The following PCK2 variants were observed in gnomAD, a reference collection of about 807,000 sequenced individuals.
The protein encoded by PCK2 is phosphoenolpyruvate carboxykinase 2, mitochondrial, also known as phosphoenolpyruvate carboxykinase [GTP], mitochondrial.
PCK2 carries 56 observed loss-of-function variants against 65.9 expected under a neutral mutation model. The observed-to-expected ratio is 0.85, with a 90% CI of 0.69 to 1.06. PCK2 has a LOEUF of 1.06. Among genes scored for constraint, PCK2 ranks in the 50% least tolerant of loss-of-function variants. PCK2 has a pLI of 0.00. For missense variants in PCK2, 843 were observed against 863.1 expected (o/e 0.98, Z 0.29); for synonymous variants, 305 against 319.6 (o/e 0.95, Z 0.49).
chr14:24,102,763 G>C lies in PCK2; in HGVS notation c.1245G>C (p.Glu415Asp), dbSNP rs1183775471. The change falls in exon 8 of 10, where the codon GAG (glutamate) becomes GAC (aspartate). Residue 415 changes from glutamate (E) to aspartate (D), a missense_variant. By Grantham distance (45) the Glu-to-Asp change is conservative. Transcript: ENST00000216780. ...TATTTCCTCTGCCAGGTGACAAGGA[G>C]CCCTGTGCACATCCCAACTCTCGAT... ...LGKPWKPGDKEPCAHPNSRFC... is the reference protein window; with the variant it reads ...LGKPWKPGDKDPCAHPNSRFC... 6.2e-7 allele frequency: 1 copy of C among 1,613,754 alleles called. No individual in the cohort carries two copies. Among genetic ancestry groups the C allele is most frequent in the Non-Finnish European group, 8.5e-7 (1 of 1,179,796 alleles).
In PCK2 at chr14:24,102,890, G is replaced by A. The variant is rs1435052244; in HGVS notation, c.1372G>A (p.Gly458Arg). 2 of 1,612,958 alleles carry A rather than the reference G, an allele frequency of 1.2e-6. No homozygotes were observed. Among genetic ancestry groups the A allele is most frequent in the Non-Finnish European group, 1.7e-6 (2 of 1,179,678 alleles). The stretch of plus-strand genomic sequence containing the variant: ...CATCTTTGGTGGCCGCAGACCCAAA[G>A]GTAAACAACATATGAGCTCCATGTT... ...AIIFGGRRPK[G>R]VPLVYEAFNW... is the part of the protein sequence containing the mutation. Residue 458 changes from glycine (G) to arginine (R), a missense_variant and splice_region_variant, in exon 8 of 10, where the codon GGG becomes AGG. By Grantham distance (125) the Gly-to-Arg change is moderately radical. Transcript: ENST00000216780.
Position 24,094,761 on chromosome 14 carries a change from C to A in PCK2, c.29+327C>A, listed in dbSNP as rs1594280151. 5.6e-6 allele frequency: 8 copies of A among 1,439,378 alleles called. No homozygotes were observed. The highest frequency in any genetic ancestry group is 3.1e-5 in the East Asian group (1 of 31,786). 89.2% of individuals were successfully genotyped at this position (1,439,378 alleles called of 1,614,324 possible). ...GGTCTCCGCATATCCTCCTTTCCTT[C>A]CCAGATACCTCCCTCGGACCTCTAA... is the stretch of plus-strand genomic sequence containing the variant. On this transcript the variant is annotated intron_variant, in intron 1 of 9. Transcript: ENST00000216780. The surrounding 1 kb of genome is among the most constrained non-coding windows in gnomAD (Gnocchi z 4.1).
rs995445700 is a variant in PCK2 at position 24,099,107 on chromosome 14, C to T, written c.723C>T (p.Pro241=). Residue 241 remains proline (P), a synonymous_variant, in exon 5 of 10, where the codon CCC becomes CCT. Transcript: ENST00000216780. ...NPEKTLIGHV[P]DQREIISFGS... ...AGAAAACCCTGATTGGCCACGTGCC[C>T]GACCAGCGGGAGATCATCTCCTTCG... 28 of 1,611,890 alleles carry T rather than the reference C, an allele frequency of 1.7e-5. No individual in the cohort carries two copies. Among genetic ancestry groups the T allele is most frequent in the African/African-American group, 4.0e-5 (3 of 74,902 alleles).
chr14:24,099,025 GC>G, intron 4 of PCK2, 23 bp from the exon 5 acceptor site: 1 of 1,575,568 alleles, frequency 6.3e-7, no homozygotes, highest in Non-Finnish European at 8.7e-7. Context: ...GCTGCCAGCA[GC>G]CCCATGACCC....
In PCK2 at chr14:24,094,710, T is replaced by C. The variant is rs1566571020; in HGVS notation, c.29+276T>C. ...TCTGCCACTCTCAGAACTTCCTCTC[T>C]CTCCTCGCTCCTCTCTGCTGAGCCA... On this transcript the variant is annotated intron_variant, in intron 1 of 9. Coordinates refer to ENST00000216780, the MANE Select transcript of PCK2 (RefSeq NM_004563.4). This position sits in a 1 kb window ranked among gnomAD's most constrained non-coding sequence, Gnocchi z 4.1. 6.6e-7 allele frequency: 1 copy of C among 1,508,654 alleles called. No homozygotes were observed. The highest frequency in any genetic ancestry group is 1.4e-5 in the African/African-American group (1 of 72,310). 93.5% of individuals were successfully genotyped at this position (1,508,654 alleles called of 1,614,324 possible).
In PCK2 at chr14:24,098,993, C is replaced by T. The variant is rs563053681; in HGVS notation, c.665-56C>T. ...TGCCAATCCCTGATCCCTCTGGCCC[C>T]GACACCCCAGTTCCTGATGCTGCTG... On this transcript the variant is annotated intron_variant, in intron 4 of 9. Coordinates refer to ENST00000216780, the MANE Select transcript of PCK2 (RefSeq NM_004563.4). 38 of 1,400,706 alleles carry T rather than the reference C, an allele frequency of 2.7e-5. No homozygotes were observed. In the East Asian group the frequency reaches 2.8e-4, roughly 10 times the overall value. The allele number at this position is 1,400,706 out of a possible 1,614,324, so 86.8% of individuals were successfully genotyped here. A position where few individuals can be genotyped will look rare whatever the true frequency, so the allele number is the denominator to read the frequency against.
intron 9 of PCK2, 94 bp from the exon 10 acceptor site, chr14:24,103,416 T>G (rs758340599): frequency 3.2e-6 from 4 of 1,254,216 alleles, no homozygotes; most frequent in Non-Finnish European, 4.5e-6. Flanking sequence ...TTCAGAACCA[T>G]AAGCCTTTCA....
At position 24,102,878 on chromosome 14, in the gene PCK2, C is replaced by T. The variant is rs200079405; in HGVS notation, c.1360C>T (p.Arg454Cys). 1.6e-4 allele frequency: 252 copies of T among 1,613,540 alleles called. 2 individuals are homozygous for T. The highest frequency in any genetic ancestry group is 1.2e-3 in the South Asian group (108 of 91,006). The change falls in exon 8 of 10, where the codon CGC (arginine) becomes TGC (cysteine). Residue 454 changes from arginine (R) to cysteine (C), a missense_variant. By Grantham distance (180) the Arg-to-Cys change is radical. Transcript: ENST00000216780. ...CATTGACGCCATCATCTTTGGTGGCCGCAGACCCAAAGGTAAACAACATAT... is the reference window on the plus strand; with the variant it reads ...CATTGACGCCATCATCTTTGGTGGCTGCAGACCCAAAGGTAAACAACATAT... ...VPIDAIIFGG[R>C]RPKGVPLVYE...
Position 24,096,768 on chromosome 14 carries a change from CT to C in PCK2, c.30-122del, listed in dbSNP as rs750457268. Reference sequence around the variant, plus strand: ...TCCCACACACCAACTGCAACCTGCTCTTCATGGTCCCTGCATGCAGACATGT... The same window carrying C: ...TCCCACACACCAACTGCAACCTGCTCTCATGGTCCCTGCATGCAGACATGT... On this transcript the variant is annotated intron_variant, in intron 1 of 9. Coordinates refer to ENST00000216780, the MANE Select transcript of PCK2 (RefSeq NM_004563.4). 73 of 816,886 alleles carry C rather than the reference CT, an allele frequency of 8.9e-5. No individual in the cohort carries two copies. The East Asian group carries it at 1.4e-3, about 16-fold the overall frequency. The allele number at this position is 816,886 out of a possible 1,614,324, so 50.6% of individuals were successfully genotyped here.
chr14:24,103,197 T>C lies in PCK2; in HGVS notation c.1410T>C (p.His470=), dbSNP rs1288402723. The change falls in exon 9 of 10, where the codon CAT becomes CAC. Residue 470 remains histidine (H), a synonymous_variant. Coordinates refer to ENST00000216780, the MANE Select transcript of PCK2 (RefSeq NM_004563.4). ...TATACGAGGCCTTCAACTGGCGTCA[T>C]GGGGTGTTTGTGGGCAGCGCCATGC... The part of the protein sequence containing the change: ...PLVYEAFNWR[H]GVFVGSAMRS... The C allele has an allele frequency of 1.9e-6, 3 of 1,614,144 alleles. No homozygotes were observed. The highest frequency in any genetic ancestry group is 2.5e-6 in the Non-Finnish European group (3 of 1,179,972).
chr14:24,100,314 G>A (rs1313843141), intron 7 of PCK2, 101 bp downstream of exon 7: 1 of 1,530,462 alleles, frequency 6.5e-7, no homozygotes, highest in Non-Finnish European at 8.8e-7. Context: ...AGGACTGCCA[G>A]GAGGCACAGA....
At position 24,094,881 on chromosome 14, in the gene PCK2, C is replaced by A; in HGVS notation, c.29+447C>A. The A allele has an allele frequency of 7.9e-7, 1 of 1,273,328 alleles. No homozygotes were observed. Among genetic ancestry groups the A allele is most frequent in the Non-Finnish European group, 1.0e-6 (1 of 972,408 alleles). The allele number at this position is 1,273,328 out of a possible 1,614,324, so 78.9% of individuals were successfully genotyped here. ...CCCGGGAGACTAAGCTCAGAGCCCCCTAAAGAAGGTGGAAGGTTAAATATC... is the reference window on the plus strand; with the variant it reads ...CCCGGGAGACTAAGCTCAGAGCCCCATAAAGAAGGTGGAAGGTTAAATATC... On this transcript the variant is annotated intron_variant, in intron 1 of 9. Transcript: ENST00000216780. This position sits in a 1 kb window ranked among gnomAD's most constrained non-coding sequence, Gnocchi z 4.1.
Position 24,094,766 on chromosome 14 carries a change from A to C in PCK2, c.29+332A>C. 1 of 1,429,192 alleles carries C rather than the reference A, an allele frequency of 7.0e-7. No homozygotes were observed. The highest frequency in any genetic ancestry group is 9.3e-7 in the Non-Finnish European group (1 of 1,079,164). The allele number at this position is 1,429,192 out of a possible 1,614,324, so 88.5% of individuals were successfully genotyped here. Reference sequence around the variant, plus strand: ...CCGCATATCCTCCTTTCCTTCCCAGATACCTCCCTCGGACCTCTAACGGGC... The same window carrying C: ...CCGCATATCCTCCTTTCCTTCCCAGCTACCTCCCTCGGACCTCTAACGGGC... On this transcript the variant is annotated intron_variant, in intron 1 of 9. Coordinates refer to ENST00000216780, the MANE Select transcript of PCK2 (RefSeq NM_004563.4). This position sits in a 1 kb window ranked among gnomAD's most constrained non-coding sequence, Gnocchi z 4.1.
Position 24,099,195 on chromosome 14 carries a change from C to T in PCK2, c.811C>T (p.Arg271Trp), listed in dbSNP as rs752385729. The change falls in exon 5 of 10, where the codon CGG becomes TGG. Residue 271 changes from arginine (R) to tryptophan (W), a missense_variant. Coordinates refer to ENST00000216780, the MANE Select transcript of PCK2 (RefSeq NM_004563.4). ...GTGCTTTGCCCTACGCATCGCCTCTCGGCTGGCCCGGGATGAGGGCTGGCT... is the reference window on the plus strand; with the variant it reads ...GTGCTTTGCCCTACGCATCGCCTCTTGGCTGGCCCGGGATGAGGGCTGGCT... ...KKCFALRIAS[R>W]LARDEGWLAE... is the part of the protein sequence containing the mutation. 29 of 1,603,490 alleles carry T rather than the reference C, an allele frequency of 1.8e-5. No homozygotes were observed. The highest frequency in any genetic ancestry group is 1.6e-4 in the Middle Eastern group (1 of 6,072).
chr14:24,102,590 A>C, intron 7 of PCK2, 163 bp from the exon 8 acceptor site: 1 of 626,024 alleles, frequency 1.6e-6, no homozygotes, highest in Non-Finnish European at 2.8e-6. Flanking sequence ...GAGCTCTTGG[A>C]GATGCCCTGG....
rs1342064454 is a variant in PCK2 at position 24,094,924 on chromosome 14, G to T, written c.29+490G>T. The T allele has an allele frequency of 4.6e-6, 5 of 1,080,074 alleles. No homozygotes were observed. Among genetic ancestry groups the T allele is most frequent in the Non-Finnish European group, 5.0e-6 (4 of 804,630 alleles). The allele number at this position is 1,080,074 out of a possible 1,614,324, so 66.9% of individuals were successfully genotyped here. A position where few individuals can be genotyped will look rare whatever the true frequency, so the allele number is the denominator to read the frequency against. On this transcript the variant is annotated intron_variant, in intron 1 of 9. Coordinates refer to ENST00000216780, the MANE Select transcript of PCK2 (RefSeq NM_004563.4). This position sits in a 1 kb window ranked among gnomAD's most constrained non-coding sequence, Gnocchi z 4.1. Reference sequence around the variant, plus strand: ...TAAATATCCATTCCCGGCCTCTCCCGGACTGGAAGGACTGGAACCTGGCGG... The same window carrying T: ...TAAATATCCATTCCCGGCCTCTCCCTGACTGGAAGGACTGGAACCTGGCGG...
chr14:24,099,472 A>G, intron 5 of PCK2, 86 bp from the exon 6 acceptor site: 2 of 1,299,142 alleles, frequency 1.5e-6, no homozygotes, highest in South Asian at 2.8e-5. Flanking sequence ...GGTCCTCCCT[A>G]TTAGACCCTA....
At position 24,103,162 on chromosome 14, in the gene PCK2, G is replaced by T. The variant is rs760384830; in HGVS notation, c.1375G>T (p.Val459Leu). Residue 459 changes from valine to leucine, a missense_variant and splice_region_variant, in exon 9 of 10, where the codon GTA (valine) becomes TTA (leucine). Coordinates refer to ENST00000216780, the MANE Select transcript of PCK2 (RefSeq NM_004563.4). ...IIFGGRRPKG[V>L]PLVYEAFNWR... ...GACTCTGTTCATTGGTGATCTAGGG[G>T]TACCCCTGGTATACGAGGCCTTCAA... is the stretch of plus-strand genomic sequence containing the variant. The T allele has an allele frequency of 6.2e-7, 1 of 1,612,398 alleles. No homozygotes were observed. Among genetic ancestry groups the T allele is most frequent in the Non-Finnish European group, 8.5e-7 (1 of 1,178,412 alleles).
In PCK2 at chr14:24,094,967, G is replaced by C. The variant is rs1394245808; in HGVS notation, c.29+533G>C. 1.3e-6 allele frequency: 1 copy of C among 790,710 alleles called. No homozygotes were observed. Among genetic ancestry groups the C allele is most frequent in the South Asian group, 1.5e-5 (1 of 66,536 alleles). 49.0% of individuals were successfully genotyped at this position (790,710 alleles called of 1,614,324 possible). A position where few individuals can be genotyped will look rare whatever the true frequency, so the allele number is the denominator to read the frequency against. On this transcript the variant is annotated intron_variant, in intron 1 of 9. Transcript: ENST00000216780. The surrounding 1 kb of genome is among the most constrained non-coding windows in gnomAD (Gnocchi z 4.1). ...CCTGGCGGGAAGTCCAGAGCAGCCC[G>C]AGGGACCTGGGCCCAGGGGAGGGAG...
Sources: allele counts gnomAD v4.1 joint callset, GRCh38; gene constraint gnomAD v4.1.1; non-coding constraint Gnocchi (gnomAD v3.1); transcripts MANE v1.5; gene names NCBI Gene and HGNC (gene_info 2026-07-23, HGNC 2026-07-21).